Variants in ERC2 observed in about 807,000 individuals in gnomAD.
The protein encoded by ERC2 is ERC protein 2.
Under a neutral mutation model 114.8 loss-of-function variants are expected in ERC2, and 42 were observed. The ratio of observed to expected loss-of-function variants is 0.37; its 90% CI spans 0.29 to 0.47. The LOEUF (loss-of-function observed/expected upper bound fraction) is 0.47. ERC2 is among the 20% of genes least tolerant of loss of function. The pLI is 0.99. For synonymous variants in ERC2, 454 were observed against 425.5 expected (o/e 1.07, Z -0.82); for missense variants, 939 against 1,150.7 (o/e 0.82, Z 2.66).
chr3:55,851,188 T>TTTTTTTTTTTTTTTTTTTTTG (rs1427189122), intron 14 of ERC2, among the ~76,000 whole-genome samples: 4 of 147,990 alleles, frequency 2.7e-5, no homozygotes, highest in African/African-American at 5.0e-5. Flanking sequence ...ATGATTTTTT[T>TTTTTTTTTTTTTTTTTTTTTG]AAGCCCATGC....
At chr3:56,101,842 A>C (rs888111534) in intron 6 of ERC2, among the ~76,000 whole-genome samples, 3 of 152,212 alleles carry the variant, frequency 2.0e-5, no homozygotes, top group African/African-American at 7.2e-5. Context: ...GAGAATGTCA[A>C]GGGGTTTGTG....
chr3:56,309,725 C>T (rs987525124), intron 2 of ERC2, among the ~76,000 whole-genome samples: 3 of 152,166 alleles, frequency 2.0e-5, no homozygotes, highest in African/African-American at 7.2e-5. Context: ...GAGATGCTTA[C>T]TGAGTGAGCA....
At chr3:55,879,138 C>A in intron 14 of ERC2, among the ~76,000 whole-genome samples, 1 of 113,390 alleles carries the variant, frequency 8.8e-6, no homozygotes, top group Non-Finnish European at 1.7e-5. Flanking sequence ...CAAATTAAGT[C>A]CCTCAAGGGA....
At chr3:55,585,991 G>T (rs1030007941) in intron 17 of ERC2, among the ~76,000 whole-genome samples, 1 of 152,208 alleles carries the variant, frequency 6.6e-6, no homozygotes, top group Non-Finnish European at 1.5e-5. Flanking sequence ...CCACAGGAGG[G>T]AAGGCTCCAG....
intron 7 of ERC2, among the ~76,000 whole-genome samples, chr3:56,020,588 A>C (rs1024200471): frequency 6.6e-6 from 1 of 152,210 alleles, no homozygotes; most frequent in African/African-American, 2.4e-5. Context: ...TGTCAGAATG[A>C]TACTGGTTAT....
chr3:55,648,879 C>T (rs2060497894), intron 17 of ERC2, among the ~76,000 whole-genome samples: 1 of 151,986 alleles, frequency 6.6e-6, no homozygotes, highest in African/African-American at 2.4e-5. Flanking sequence ...TTTTTTGTGA[C>T]AAGGGGGAGC....
rs1255466480 is a variant in ERC2, at chr3:55,635,398, C to CT, written c.*39+48395dup. Among the ~76,000 whole-genome samples, 155 of 146,746 alleles carry CT rather than the reference C, an allele frequency of 1.1e-3. 1 individual carries two copies. The highest frequency in any genetic ancestry group is 3.1e-3 in the African/African-American group (126 of 40,114). ...CATTTTCAGATGATTTTTTTTCTTT[C>CT]TTTTTTTTTTGTCTCTTTGTCTCGC... On this transcript the variant is annotated intron_variant, in intron 17 of 17. Coordinates refer to ENST00000288221, the MANE Select transcript of ERC2 (RefSeq NM_015576.3).
chr3:55,517,132 C>T (rs986582799), intron 17 of ERC2, among the ~76,000 whole-genome samples: 1 of 152,152 alleles, frequency 6.6e-6, no homozygotes, highest in African/African-American at 2.4e-5. Flanking sequence ...ATGTAACTAA[C>T]ATTTTTTTAA....
intron 8 of ERC2, among the ~76,000 whole-genome samples, chr3:56,014,445 A>G (rs1442251669): frequency 6.6e-6 from 1 of 152,152 alleles, no homozygotes; most frequent in African/African-American, 2.4e-5. Flanking sequence ...TGAAACTTAG[A>G]GGTCAGCTAA....
At chr3:55,714,663 GTGTGTATATATATATATATATATATATA>G (rs1210844360) in intron 15 of ERC2, among the ~76,000 whole-genome samples, 25 of 92,216 alleles carry the variant, frequency 2.7e-4, no homozygotes, top group African/African-American at 3.8e-4. Context: ...GTGTGTGTGT[GTGTGTATATATATATATATATATATATA>G]TATATATATA....
At chr3:56,320,317 C>G (rs2057070416) in intron 2 of ERC2, among the ~76,000 whole-genome samples, 1 of 152,106 alleles carries the variant, frequency 6.6e-6, no homozygotes, top group African/African-American at 2.4e-5. Flanking sequence ...CTTGAAAGGG[C>G]TAAGAAAAAA....
intron 3 of ERC2, among the ~76,000 whole-genome samples, chr3:56,274,120 G>A (rs1171128067): frequency 1.3e-5 from 2 of 152,160 alleles, no homozygotes; most frequent in Admixed American, 1.3e-4. Flanking sequence ...GTGAGCAGAG[G>A]GCAAGGGAGC....
chr3:56,243,833 T>G (rs565549303), intron 3 of ERC2, among the ~76,000 whole-genome samples: 8 of 152,064 alleles, frequency 5.3e-5, no homozygotes, highest in Non-Finnish European at 1.2e-4. Context: ...AAGTGATGTA[T>G]CTGAGAGCGA....
intron 13 of ERC2, among the ~76,000 whole-genome samples, chr3:55,889,718 A>G (rs532015345): frequency 9.2e-5 from 14 of 152,312 alleles, no homozygotes; most frequent in African/African-American, 3.1e-4. Flanking sequence ...TCTAGATTCC[A>G]GAGCTGATGT....
chr3:55,975,820 C>G (rs1024324394), intron 12 of ERC2, among the ~76,000 whole-genome samples: 1 of 152,164 alleles, frequency 6.6e-6, no homozygotes, highest in Non-Finnish European at 1.5e-5. Context: ...CTGAGCATGC[C>G]TTCTATCTTC....
In ERC2 at chr3:56,137,133, A is replaced by C. The variant is rs571833629; in HGVS notation, c.1473+2376T>G. On this transcript the variant is annotated intron_variant, in intron 6 of 17. Coordinates refer to ENST00000288221, the MANE Select transcript of ERC2 (RefSeq NM_015576.3). ...AAAGAGGACAAGGAATATAGCCTCC[A>C]TCAGTATAAGATAGTGAGAAGAAAA... Among the ~76,000 whole-genome samples, 4 of 152,298 alleles carry C rather than the reference A, an allele frequency of 2.6e-5. No homozygotes were observed. The East Asian group carries it at 7.7e-4, about 29-fold the overall frequency.
intron 13 of ERC2, among the ~76,000 whole-genome samples, chr3:55,897,161 A>G (rs1459695896): frequency 2.0e-5 from 3 of 152,174 alleles, no homozygotes; most frequent in African/African-American, 7.2e-5. Flanking sequence ...TTACACATAC[A>G]TTTGTGTTGT....
intron 2 of ERC2, among the ~76,000 whole-genome samples, chr3:56,305,802 G>A (rs981463315): frequency 1.3e-5 from 2 of 152,168 alleles, no homozygotes; most frequent in Non-Finnish European, 2.9e-5. Flanking sequence ...TGTAAATAAA[G>A]TTTTAGTGGA....
chr3:55,536,317 G>A (rs898378435), intron 17 of ERC2, among the ~76,000 whole-genome samples: 2 of 152,148 alleles, frequency 1.3e-5, no homozygotes, highest in African/African-American at 4.8e-5. Flanking sequence ...CCTGGTCTGA[G>A]TTAGATGATT....
Sources: allele counts gnomAD v4.1 joint callset (sites outside exome capture counted in the v4.1 genomes callset), GRCh38; gene constraint gnomAD v4.1.1; transcripts MANE v1.5; gene names NCBI Gene and HGNC (gene_info 2026-07-23, HGNC 2026-07-21).